Variants in ABLIM2 observed in about 807,000 individuals in gnomAD.
ABLIM2 encodes the protein actin binding LIM protein family member 2, also known as actin-binding LIM protein 2.
ABLIM2 carries 53 observed loss-of-function variants against 97.7 expected under a neutral mutation model. The ratio of observed to expected loss-of-function variants is 0.54; its 90% CI spans 0.44 to 0.68. The LOEUF (loss-of-function observed/expected upper bound fraction) is 0.68, where lower values mean the gene tolerates loss of function less well. ABLIM2 is among the 30% of genes least tolerant of loss of function. The pLI is 0.00. For synonymous variants in ABLIM2, 361 were observed against 345.8 expected, an observed-to-expected ratio of 1.04 and a Z score of -0.49; for missense variants, 835 against 867.2, an observed-to-expected ratio of 0.96 and a Z score of 0.47.
intron 10 of ABLIM2, 142 bp downstream of exon 10, chr4:8,036,007 C>T (rs920093493): frequency 5.8e-6 from 6 of 1,031,832 alleles, no homozygotes; most frequent in South Asian, 3.4e-5. Flanking sequence ...ATCTGATGGG[C>T]GTGAAGAGGC....
At chr4:8,042,124 A>G (rs1014696203) in intron 9 of ABLIM2, among the ~76,000 whole-genome samples, 1 of 152,170 alleles carries the variant, frequency 6.6e-6, no homozygotes, top group African/African-American at 2.4e-5. Flanking sequence ...GACCTAAGGG[A>G]GAGTGGAAGG....
chr4:8,119,166 T>G (rs1053374065), intron 1 of ABLIM2, among the ~76,000 whole-genome samples: 1 of 151,984 alleles, frequency 6.6e-6, no homozygotes, highest in Non-Finnish European at 1.5e-5. Context: ...CGATCACTGG[T>G]CTCAAACGTG....
At chr4:8,070,240 GTC>G (rs1456753300) in intron 6 of ABLIM2, among the ~76,000 whole-genome samples, 1 of 149,908 alleles carries the variant, frequency 6.7e-6, no homozygotes, top group Non-Finnish European at 1.5e-5. Context: ...TTTGTCCTGT[GTC>G]TCTGTGTCCA....
intron 4 of ABLIM2, among the ~76,000 whole-genome samples, chr4:8,086,593 C>T (rs552133929): frequency 3.9e-5 from 6 of 152,236 alleles, no homozygotes; most frequent in Non-Finnish European, 8.8e-5. Context: ...GATCCACCCG[C>T]CCCGGCCTCC....
At position 8,029,683 on chromosome 4, in the gene ABLIM2, G is replaced by T. The variant is rs778723311; in HGVS notation, c.1141C>A (p.Arg381=). The part of the protein sequence containing the change: ...VSLGRYTPTS[R]SPQHYSRPAG... Reference sequence around the variant, plus strand: ...GGACGGCTGTAGTGCTGTGGTGACCGTGAGGTCGGAGTGTAGCGCCCGAGG... The same window carrying T: ...GGACGGCTGTAGTGCTGTGGTGACCTTGAGGTCGGAGTGTAGCGCCCGAGG... The change falls in exon 11 of 21, where the codon CGG becomes AGG. Residue 381 remains arginine (R), a synonymous_variant. Coordinates refer to ENST00000447017, the MANE Select transcript of ABLIM2 (RefSeq NM_001130083.2). 9.0e-6 allele frequency: 14 copies of T among 1,550,174 alleles called. No homozygotes were observed. In the South Asian group the frequency reaches 1.4e-4, roughly 16 times the overall value.
Position 7,980,941 on chromosome 4 carries a change from A to ATTTTTTTTTTTTTTT in ABLIM2, c.1824+2308_1824+2322dup, listed in dbSNP as rs1167615555. On this transcript the variant is annotated intron_variant, in intron 20 of 20. Coordinates refer to ENST00000447017, the MANE Select transcript of ABLIM2 (RefSeq NM_001130083.2). Reference sequence around the variant, plus strand: ...AGAACCATGGTCTCCACAACCCCTTATTTTTTTTTTTTTTTTTTTTGAGAT... The same window carrying ATTTTTTTTTTTTTTT: ...AGAACCATGGTCTCCACAACCCCTTATTTTTTTTTTTTTTTTTTTTTTTTTTTTTTTTTTTGAGAT... 1.8e-4 allele frequency among the ~76,000 whole-genome samples: 15 copies of ATTTTTTTTTTTTTTT among 82,980 alleles called. 3 individuals carry two copies. Among genetic ancestry groups the ATTTTTTTTTTTTTTT allele is most frequent in the African/African-American group, 8.3e-4 (15 of 18,104 alleles). 54.4% of individuals were successfully genotyped at this position (82,980 alleles called of 152,430 possible). A position where few individuals can be genotyped will look rare whatever the true frequency, so the allele number is the denominator to read the frequency against.
At position 8,127,714 on chromosome 4, in the gene ABLIM2, GCTGCCACC is replaced by G; in HGVS notation, c.11-21085_11-21078del. 8.1e-7 allele frequency: 1 copy of G among 1,232,672 alleles called. No homozygotes were observed. The highest frequency in any genetic ancestry group is 1.4e-5 in the South Asian group (1 of 73,584). 76.4% of individuals were successfully genotyped at this position (1,232,672 alleles called of 1,614,324 possible). On this transcript the variant is annotated intron_variant, in intron 1 of 20. Coordinates refer to ENST00000447017, the MANE Select transcript of ABLIM2 (RefSeq NM_001130083.2). This position sits in a 1 kb window ranked among gnomAD's most constrained non-coding sequence, Gnocchi z 7.3. ...AGGGCTCCCACAAGGTCACGTGGCA[GCTGCCACC>G]CTCTGCCCGGGGAGGGGCAGAGCCA...
At chr4:8,041,177 C>A (rs913339132) in intron 9 of ABLIM2, among the ~76,000 whole-genome samples, 1 of 152,216 alleles carries the variant, frequency 6.6e-6, no homozygotes, top group African/African-American at 2.4e-5. Flanking sequence ...CCCACTGGTG[C>A]AGAAATTCTT....
Position 8,006,520 on chromosome 4 carries a change from G to A in ABLIM2, c.1618+1539C>T, listed in dbSNP as rs556880453. On this transcript the variant is annotated intron_variant, in intron 16 of 20. Coordinates refer to ENST00000447017, the MANE Select transcript of ABLIM2 (RefSeq NM_001130083.2). ...TTCCCAGGGCAAATGCCTTGATGCC[G>A]GGACACTGAGCAAAGTAGGGAGGGT... Among the ~76,000 whole-genome samples, 7 of 152,322 alleles carry A rather than the reference G, an allele frequency of 4.6e-5. No homozygotes were observed. The South Asian group carries it at 8.3e-4, about 18-fold the overall frequency.
intron 10 of ABLIM2, among the ~76,000 whole-genome samples, chr4:8,030,597 C>T (rs1780329540): frequency 2.0e-5 from 3 of 152,230 alleles, no homozygotes; most frequent in African/African-American, 4.8e-5. Flanking sequence ...GCGCCACCTC[C>T]ATGCGCTCAG....
chr4:8,139,354 C>T (rs1383345163), intron 1 of ABLIM2, among the ~76,000 whole-genome samples: 1 of 151,978 alleles, frequency 6.6e-6, no homozygotes. Context: ...GCAATCTATC[C>T]TTCTGACAAA....
At chr4:8,104,778 G>A (rs1016061071) in intron 2 of ABLIM2, among the ~76,000 whole-genome samples, 2 of 152,174 alleles carry the variant, frequency 1.3e-5, no homozygotes, top group African/African-American at 2.4e-5. Flanking sequence ...CACCAGGGTC[G>A]GTTCTCAGAT....
chr4:7,976,988 T>C (rs1419051037), intron 20 of ABLIM2, among the ~76,000 whole-genome samples: 1 of 152,104 alleles, frequency 6.6e-6, no homozygotes, highest in African/African-American at 2.4e-5. Context: ...CACACTGATA[T>C]GGTTTGGCTG....
intron 3 of ABLIM2, among the ~76,000 whole-genome samples, chr4:8,089,527 G>C (rs1243608517): frequency 6.6e-6 from 1 of 152,064 alleles, no homozygotes; most frequent in Non-Finnish European, 1.5e-5. Flanking sequence ...TTGAGGTCAG[G>C]AGTTTGAGAC....
intron 4 of ABLIM2, among the ~76,000 whole-genome samples, chr4:8,084,989 G>A (rs1401163172): frequency 1.3e-5 from 2 of 152,208 alleles, no homozygotes; most frequent in Non-Finnish European, 2.9e-5. Flanking sequence ...GGCCTCACGG[G>A]AAGGGGCAGA....
At chr4:8,074,776 C>CTTTTT (rs71175458) in intron 6 of ABLIM2, among the ~76,000 whole-genome samples, 5 of 105,046 alleles carry the variant, frequency 4.8e-5, no homozygotes, top group African/African-American at 7.4e-5. Flanking sequence ...CCTGGTAATT[C>CTTTTT]TTTTTTTTTT....
In ABLIM2 at chr4:8,130,107, A is replaced by G. The variant is rs1324522557; in HGVS notation, c.11-23470T>C. Among the ~76,000 whole-genome samples the G allele has an allele frequency of 6.6e-6, 1 of 152,168 alleles. No individual in the cohort carries two copies. The highest frequency in any genetic ancestry group is 2.4e-5 in the African/African-American group (1 of 41,440). ...CTGTTCACCCCTAAGCATCTAGTTT[A>G]TTCAAAGGCAGCCCCCAAGAAAGGC... is the stretch of plus-strand genomic sequence containing the variant. On this transcript the variant is annotated intron_variant, in intron 1 of 20. Coordinates refer to ENST00000447017, the MANE Select transcript of ABLIM2 (RefSeq NM_001130083.2). This position sits in a 1 kb window ranked among gnomAD's most constrained non-coding sequence, Gnocchi z 4.2.
intron 20 of ABLIM2, among the ~76,000 whole-genome samples, chr4:7,982,476 C>T (rs746326824): frequency 7.2e-5 from 11 of 152,230 alleles, no homozygotes; most frequent in South Asian, 2.1e-4. Flanking sequence ...GAGGATTGCA[C>T]GTGCCACTTT....
Position 8,023,376 on chromosome 4 carries a change from T to C in ABLIM2, c.1268-3073A>G, listed in dbSNP as rs1775249449. Among the ~76,000 whole-genome samples the C allele has an allele frequency of 6.6e-6, 1 of 152,262 alleles. No homozygotes were observed. The highest frequency in any genetic ancestry group is 1.5e-5 in the Non-Finnish European group (1 of 68,044). ...GCAGACGTTCCTTGTGTCTGAGGACTCTGGCAGTTTTGAGGAGGGCTGCTG... is the reference window on the plus strand; with the variant it reads ...GCAGACGTTCCTTGTGTCTGAGGACCCTGGCAGTTTTGAGGAGGGCTGCTG... On this transcript the variant is annotated intron_variant, in intron 12 of 20. Coordinates refer to ENST00000447017, the MANE Select transcript of ABLIM2 (RefSeq NM_001130083.2). This position sits in a 1 kb window ranked among gnomAD's most constrained non-coding sequence, Gnocchi z 5.7.
Sources: allele counts gnomAD v4.1 joint callset (sites outside exome capture counted in the v4.1 genomes callset), GRCh38; gene constraint gnomAD v4.1.1; non-coding constraint Gnocchi (gnomAD v3.1); transcripts MANE v1.5; gene names NCBI Gene and HGNC (gene_info 2026-07-23, HGNC 2026-07-21).